The following DTD1 variants were observed in gnomAD, a reference collection of about 807,000 sequenced individuals.
DTD1 encodes D-tyrosyl-tRNA deacylase 1 homolog.
DTD1 carries 13 observed loss-of-function variants against 25.6 expected under a neutral mutation model. The observed-to-expected ratio is 0.51, with a 90% CI of 0.33 to 0.81. The LOEUF is 0.81. DTD1 is among the 30% of genes least tolerant of loss of function. The pLI is 0.02. For synonymous variants in DTD1, 110 were observed against 103.6 expected (o/e 1.06, Z -0.37); for missense variants, 193 against 266.4 (o/e 0.72, Z 1.92).
At chr20:18,639,680 A>G (rs1269463391) in intron 4 of DTD1, among the ~76,000 whole-genome samples, 1 of 152,220 alleles carries the variant, frequency 6.6e-6, no homozygotes, top group Non-Finnish European at 1.5e-5. Context: ...ATGTCTATGA[A>G]TATTCTTCAC....
chr20:18,720,865 A>T (rs944020980), intron 4 of DTD1, among the ~76,000 whole-genome samples: 8 of 151,896 alleles, frequency 5.3e-5, no homozygotes, highest in East Asian at 3.9e-4. Flanking sequence ...CTCAAAAAAA[A>T]TTTTTTTTTG....
intron 4 of DTD1, among the ~76,000 whole-genome samples, chr20:18,658,573 T>C (rs1390424698): frequency 6.6e-6 from 1 of 152,244 alleles, no homozygotes; most frequent in Non-Finnish European, 1.5e-5. Context: ...GTCATTGTGC[T>C]AGCCAGTTTC....
chr20:18,743,758 GA>G (rs1212090546), intron 4 of DTD1, among the ~76,000 whole-genome samples: 1 of 150,638 alleles, frequency 6.6e-6, no homozygotes, highest in African/African-American at 2.4e-5. Flanking sequence ...AACTATCAAA[GA>G]AAAAAGTAAG....
At chr20:18,755,206 C>A (rs1047604911) in intron 5 of DTD1, among the ~76,000 whole-genome samples, 1 of 152,104 alleles carries the variant, frequency 6.6e-6, no homozygotes, top group African/African-American at 2.4e-5. Context: ...TAGAAAATAT[C>A]AAAAATGCCA....
intron 4 of DTD1, among the ~76,000 whole-genome samples, chr20:18,735,903 G>A (rs969979308): frequency 6.6e-6 from 1 of 152,080 alleles, no homozygotes; most frequent in Admixed American, 6.5e-5. Flanking sequence ...TTGCTTCTCT[G>A]TGGTGGCAGA....
chr20:18,707,643 GTGT>G (rs1433461692), intron 4 of DTD1, among the ~76,000 whole-genome samples: 1 of 152,182 alleles, frequency 6.6e-6, no homozygotes, highest in African/African-American at 2.4e-5. Context: ...TGGGCATCAT[GTGT>G]TACAGGCTTA....
At chr20:18,698,125 C>T (rs1354527994) in intron 4 of DTD1, among the ~76,000 whole-genome samples, 2 of 152,202 alleles carry the variant, frequency 1.3e-5, no homozygotes, top group African/African-American at 2.4e-5. Context: ...TAGCAAATCA[C>T]ACATTTTTAC....
chr20:18,605,985 C>A (rs1365910379), intron 3 of DTD1, among the ~76,000 whole-genome samples: 1 of 146,616 alleles, frequency 6.8e-6, no homozygotes, highest in Non-Finnish European at 1.5e-5. Context: ...TCAGAGTGAA[C>A]AGGCAACCTA....
intron 4 of DTD1, among the ~76,000 whole-genome samples, chr20:18,646,188 C>T (rs966223258): frequency 9.2e-5 from 14 of 152,188 alleles, no homozygotes; most frequent in East Asian, 5.8e-4. Context: ...TGGCTGTCAA[C>T]GCCTGTGACG....
intron 4 of DTD1, among the ~76,000 whole-genome samples, chr20:18,734,483 GCTTCTCAGGCTACTGTGCC>G (rs1310445898): frequency 6.6e-6 from 1 of 152,214 alleles, no homozygotes; most frequent in East Asian, 1.9e-4. Flanking sequence ...AGGGCAGTGG[GCTTCTCAGGCTACTGTGCC>G]CTTTTTGGGC....
chr20:18,623,829 C>T (rs2060745939), intron 3 of DTD1, among the ~76,000 whole-genome samples: 1 of 150,974 alleles, frequency 6.6e-6, no homozygotes, highest in Non-Finnish European at 1.5e-5. Context: ...GGAAAACTTA[C>T]AGGGATCACT....
intron 5 of DTD1, among the ~76,000 whole-genome samples, chr20:18,746,648 T>C (rs1255373084): frequency 6.6e-6 from 1 of 152,208 alleles, no homozygotes; most frequent in Non-Finnish European, 1.5e-5. Flanking sequence ...TGAGCCATGA[T>C]TGCAGCACTG....
Position 18,717,654 on chromosome 20 carries a change from A to G in DTD1, c.478-26446A>G, listed in dbSNP as rs2061186429. On this transcript the variant is annotated intron_variant, in intron 4 of 5. Coordinates refer to ENST00000377452, the MANE Select transcript of DTD1 (RefSeq NM_080820.6). ...TATGCATAGTGGATTCTCACAATTC[A>G]AACCTGTGTTATTCAAAGGTCAACT... 2.0e-5 allele frequency among the ~76,000 whole-genome samples: 3 copies of G among 152,226 alleles called. No individual in the cohort carries two copies. In the South Asian group the frequency reaches 6.2e-4, roughly 31 times the overall value.
At position 18,738,308 on chromosome 20, in the gene DTD1, C is replaced by T. The variant is rs116857544; in HGVS notation, c.478-5792C>T. ...AAGCAAGTCACATGACCTTGCTGGG[C>T]GTTGCTGTCTTGTTTATGTCCATGG... On this transcript the variant is annotated intron_variant, in intron 4 of 5. Transcript: ENST00000377452. 7.8e-3 allele frequency among the ~76,000 whole-genome samples: 1,191 copies of T among 152,284 alleles called. 9 individuals are homozygous for T. The highest frequency in any genetic ancestry group is 0.012 in the Non-Finnish European group (850 of 68,022).
chr20:18,634,525 T>C (rs1035589696), intron 4 of DTD1, among the ~76,000 whole-genome samples: 3 of 152,180 alleles, frequency 2.0e-5, no homozygotes, highest in East Asian at 1.9e-4. Flanking sequence ...CTGGGATGAG[T>C]TGGCTAGCGA....
chr20:18,639,290 C>T (rs1157582497), intron 4 of DTD1, among the ~76,000 whole-genome samples: 1 of 150,466 alleles, frequency 6.6e-6, no homozygotes, highest in Non-Finnish European at 1.5e-5. Flanking sequence ...AATACAAAAA[C>T]ATTAATTTTA....
intron 4 of DTD1, among the ~76,000 whole-genome samples, chr20:18,690,974 C>G (rs1728658155): frequency 6.6e-6 from 1 of 152,114 alleles, no homozygotes; most frequent in Admixed American, 6.5e-5. Context: ...AGACACTGCT[C>G]AAAAGAAGTC....
chr20:18,605,806 C>T (rs1285118299), intron 3 of DTD1, among the ~76,000 whole-genome samples: 4 of 135,526 alleles, frequency 3.0e-5, no homozygotes. Context: ...AAACGTTAGA[C>T]CTAAAACCAT....
chr20:18,664,509 T>C (rs555349955), intron 4 of DTD1, among the ~76,000 whole-genome samples: 1 of 152,210 alleles, frequency 6.6e-6, no homozygotes, highest in South Asian at 2.1e-4. Flanking sequence ...TGATGGGAAA[T>C]TCTACAGCAG....
Sources: allele counts gnomAD v4.1 joint callset (sites outside exome capture counted in the v4.1 genomes callset), GRCh38; gene constraint gnomAD v4.1.1; transcripts MANE v1.5; gene names NCBI Gene and HGNC (gene_info 2026-07-23, HGNC 2026-07-21).